The following DZIP3 variants were observed in gnomAD, a reference collection of about 807,000 sequenced individuals.
The protein encoded by DZIP3 is DAZ interacting zinc finger protein 3, also known as E3 ubiquitin-protein ligase DZIP3.
A neutral mutation model predicts 162.0 loss-of-function variants in DZIP3; 118 were observed. That is an observed-to-expected ratio of 0.73 (90% CI 0.63 to 0.85). The LOEUF (loss-of-function observed/expected upper bound fraction) is 0.85, where lower values mean the gene tolerates loss of function less well. Among genes scored for constraint, DZIP3 ranks in the 40% least tolerant of loss-of-function variants. DZIP3 has a pLI of 0.00. For synonymous variants in DZIP3, 438 were observed against 458.6 expected (o/e 0.96, Z 0.57); for missense variants, 1,331 against 1,407.0 (o/e 0.95, Z 0.86).
intron 1 of DZIP3, among the ~76,000 whole-genome samples, chr3:108,598,873 A>G (rs766718851): frequency 6.6e-6 from 1 of 152,138 alleles, no homozygotes; most frequent in African/African-American, 2.4e-5. Context: ...GCTATCTGTA[A>G]ATGTTTGAAA....
intron 1 of DZIP3, among the ~76,000 whole-genome samples, chr3:108,602,418 C>G (rs1309656412): frequency 1.3e-5 from 2 of 152,072 alleles, no homozygotes; most frequent in African/African-American, 4.8e-5. Flanking sequence ...AAAACACAGC[C>G]TACAGATAAG....
intron 21 of DZIP3, among the ~76,000 whole-genome samples, chr3:108,664,079 C>T (rs560117628): frequency 7.9e-5 from 12 of 152,226 alleles, no homozygotes; most frequent in Non-Finnish European, 1.0e-4. Flanking sequence ...CTCTAGAAGA[C>T]GGAATAAGAA....
At chr3:108,686,235 C>G (rs889611778) in intron 27 of DZIP3, among the ~76,000 whole-genome samples, 2 of 152,080 alleles carry the variant, frequency 1.3e-5, no homozygotes, top group Non-Finnish European at 2.9e-5. Context: ...ATTGTGTATG[C>G]CAGTATTCTT....
chr3:108,637,797 TAAAC>T (rs1942225814), intron 12 of DZIP3, among the ~76,000 whole-genome samples: 1 of 152,212 alleles, frequency 6.6e-6, no homozygotes, highest in African/African-American at 2.4e-5. Context: ...TCCTTTTCTT[TAAAC>T]AAACATATTT....
chr3:108,602,566 G>C (rs781504144), intron 1 of DZIP3, among the ~76,000 whole-genome samples: 23 of 152,330 alleles, frequency 1.5e-4, no homozygotes, highest in African/African-American at 2.2e-4. Context: ...AGTAAATTTA[G>C]TTTACTGCCG....
Position 108,640,396 on chromosome 3 carries a change from C to CTTTT in DZIP3, c.1065-2028_1065-2025dup, listed in dbSNP as rs34733401. Among the ~76,000 whole-genome samples, 884 of 101,834 alleles carry CTTTT rather than the reference C, an allele frequency of 8.7e-3. 26 individuals carry two copies. Among genetic ancestry groups the CTTTT allele is most frequent in the African/African-American group, 0.034 (833 of 24,502 alleles). 66.8% of individuals were successfully genotyped at this position (101,834 alleles called of 152,430 possible). The stretch of plus-strand genomic sequence containing the variant: ...CTACACACACATCTAGAATTGTTAC[C>CTTTT]TTTTTTTTTTTTTTTTTGACAATTT... On this transcript the variant is annotated intron_variant, in intron 12 of 32. Transcript: ENST00000361582.
At chr3:108,659,457 T>C (rs1943313375) in intron 19 of DZIP3, among the ~76,000 whole-genome samples, 1 of 152,298 alleles carries the variant, frequency 6.6e-6, no homozygotes, top group Non-Finnish European at 1.5e-5. Context: ...CTAAAAACTC[T>C]CAATAAATTA....
rs1475583831 is a variant in DZIP3 at position 108,616,850 on chromosome 3, A to ATG, written c.375+195_375+196dup. ...TTCTTATATGACTGGTAGATGACTTATGTATGTCTTGTACTTTCTCATGTG... is the reference window on the plus strand; with the variant it reads ...TTCTTATATGACTGGTAGATGACTTATGTGTATGTCTTGTACTTTCTCATGTG... On this transcript the variant is annotated intron_variant, in intron 5 of 32. Transcript: ENST00000361582. Among the ~76,000 whole-genome samples, 8 of 152,276 alleles carry ATG rather than the reference A, an allele frequency of 5.3e-5. No individual in the cohort carries two copies. The East Asian group carries it at 1.5e-3, about 29-fold the overall frequency.
rs1459587846 is a variant in DZIP3, at chr3:108,688,694, CACTT to C, written c.3373_3376del (p.Thr1125HisfsTer24). ...CCCCAAAACCAGCCTGGAGGCCACT[CACTT>C]CACAGGGTCCTGCCACATGGGAAGG... On this transcript the variant is annotated frameshift_variant, in exon 30 of 33. Transcript: ENST00000361582. LOFTEE classifies it high-confidence loss of function. The C allele has an allele frequency of 6.2e-7, 1 of 1,614,086 alleles. No individual in the cohort carries two copies. Among genetic ancestry groups the C allele is most frequent in the Admixed American group, 1.7e-5 (1 of 60,016 alleles).
At chr3:108,620,839 T>G (rs1941295363) in intron 5 of DZIP3, among the ~76,000 whole-genome samples, 2 of 152,236 alleles carry the variant, frequency 1.3e-5, no homozygotes, top group South Asian at 4.1e-4. Context: ...GTTTTTGTTT[T>G]GAGATGGAGT....
At chr3:108,652,964 G>A (rs1942931494) in intron 18 of DZIP3, among the ~76,000 whole-genome samples, 1 of 151,904 alleles carries the variant, frequency 6.6e-6, no homozygotes, top group Non-Finnish European at 1.5e-5. Context: ...TTCTCAGAAA[G>A]TATCCTTGTT....
At chr3:108,677,475 A>G in intron 25 of DZIP3, 22 bp from the exon 26 acceptor site, 2 of 1,604,302 alleles carry the variant, frequency 1.2e-6, no homozygotes, top group African/African-American at 1.3e-5. Context: ...TCTCTAAAGT[A>G]TTTTTAGTCT....
intron 1 of DZIP3, among the ~76,000 whole-genome samples, chr3:108,590,528 C>G (rs1327382131): frequency 6.6e-6 from 1 of 152,198 alleles, no homozygotes; most frequent in Non-Finnish European, 1.5e-5. Context: ...TTCATTTATG[C>G]TTTCATTCAT....
chr3:108,682,486 GACGTT>G (rs1255769905), intron 26 of DZIP3, among the ~76,000 whole-genome samples: 1 of 150,794 alleles, frequency 6.6e-6, no homozygotes, highest in Non-Finnish European at 1.5e-5. Context: ...GACCCTGGAG[GACGTT>G]ATGTTAAGTT....
At chr3:108,636,590 T>C in intron 10 of DZIP3, 26 bp from the exon 11 acceptor site, 10 of 1,447,146 alleles carry the variant, frequency 6.9e-6, no homozygotes, top group Non-Finnish European at 9.3e-6. Flanking sequence ...TTTTCTATTT[T>C]TATTTTTTTC....
intron 7 of DZIP3, among the ~76,000 whole-genome samples, chr3:108,628,789 A>C (rs1029454854): frequency 6.6e-6 from 1 of 152,124 alleles, no homozygotes; most frequent in African/African-American, 2.4e-5. Context: ...CCTCCAAGAC[A>C]GTTTAAAGCC....
At position 108,637,522 on chromosome 3, in the gene DZIP3, T is replaced by C. The variant is rs763020307; in HGVS notation, c.1038T>C (p.Tyr346=). The change falls in exon 12 of 33, where the codon TAT becomes TAC. Residue 346 remains tyrosine, a synonymous_variant. Coordinates refer to ENST00000361582, the MANE Select transcript of DZIP3 (RefSeq NM_014648.4). ...TTGAAGTTGTGAGAAAGGATGAATA[T>C]ATCACCATTGAAAATTTAGGAGCAA... is the stretch of plus-strand genomic sequence containing the variant. ...ILFEVVRKDE[Y]ITIENLGASY... The C allele has an allele frequency of 1.7e-5, 27 of 1,611,692 alleles. No individual in the cohort carries two copies. Among genetic ancestry groups the C allele is most frequent in the Non-Finnish European group, 2.2e-5 (26 of 1,179,036 alleles).
intron 5 of DZIP3, among the ~76,000 whole-genome samples, chr3:108,620,660 C>T (rs1941283834): frequency 6.6e-6 from 1 of 152,208 alleles, no homozygotes; most frequent in Non-Finnish European, 1.5e-5. Context: ...TAATCTATCT[C>T]ATCTCAGTAA....
chr3:108,612,666 A>G (rs955294876), intron 4 of DZIP3, among the ~76,000 whole-genome samples: 3 of 152,176 alleles, frequency 2.0e-5, no homozygotes, highest in Admixed American at 2.0e-4. Flanking sequence ...TATGTGTTAC[A>G]CCATCTCTAG....
Sources: allele counts gnomAD v4.1 joint callset (sites outside exome capture counted in the v4.1 genomes callset), GRCh38; gene constraint gnomAD v4.1.1; transcripts MANE v1.5; gene names NCBI Gene and HGNC (gene_info 2026-07-23, HGNC 2026-07-21).